The following DIP2C variants were observed in gnomAD, a reference collection of about 807,000 sequenced individuals.
The protein encoded by DIP2C is DIP2 acetate--CoA ligase C (putative).
DIP2C carries 33 observed loss-of-function variants against 192.4 expected under a neutral mutation model. That is an observed-to-expected ratio of 0.17 (90% CI 0.13 to 0.23). DIP2C has a LOEUF of 0.23. Among genes scored for constraint, DIP2C ranks in the 10% least tolerant of loss-of-function variants. The pLI, the probability that DIP2C is intolerant of heterozygous loss-of-function variation, is 1.00. For synonymous variants in DIP2C, 979 were observed against 864.1 expected (o/e 1.13, Z -2.33); for missense variants, 1,537 against 2,110.1 (o/e 0.73, Z 5.32).
chr10:391,081 C>T (rs1351073841), intron 10 of DIP2C, among the ~76,000 whole-genome samples: 4 of 152,148 alleles, frequency 2.6e-5, no homozygotes, highest in Non-Finnish European at 1.5e-5. Context: ...CAGCTGTCTC[C>T]CAGGTTTGTT....
chr10:347,605 G>A (rs563993738), intron 26 of DIP2C, among the ~76,000 whole-genome samples: 4 of 119,146 alleles, frequency 3.4e-5, no homozygotes, highest in East Asian at 2.6e-4. Flanking sequence ...TAGTTCTCCC[G>A]GAAACCCTAC....
intron 25 of DIP2C, 90 bp from the exon 26 acceptor site, chr10:348,852 G>C: frequency 1.3e-6 from 2 of 1,549,238 alleles, no homozygotes; most frequent in Non-Finnish European, 1.7e-6. Context: ...TCTGGGGCAA[G>C]TTCAACAGGG....
intron 2 of DIP2C, among the ~76,000 whole-genome samples, chr10:476,007 TCA>T (rs1423655000): frequency 1.3e-5 from 2 of 152,216 alleles, no homozygotes; most frequent in Non-Finnish European, 2.9e-5. Context: ...GGGCTCACGT[TCA>T]CAGTCACGTT....
intron 1 of DIP2C, among the ~76,000 whole-genome samples, chr10:532,544 TGA>T (rs111941731): frequency 2.6e-5 from 3 of 113,320 alleles, no homozygotes; most frequent in Non-Finnish European, 1.8e-5. Context: ...AGTATGGGTG[TGA>T]GAGAGTATGG....
intron 2 of DIP2C, among the ~76,000 whole-genome samples, chr10:483,455 A>T (rs1458285919): frequency 6.6e-6 from 1 of 152,210 alleles, no homozygotes; most frequent in Non-Finnish European, 1.5e-5. Flanking sequence ...AACGTCTCCA[A>T]ATGAAGGTCG....
chr10:365,556 A>G (rs1354060918), intron 19 of DIP2C, among the ~76,000 whole-genome samples: 1 of 152,232 alleles, frequency 6.6e-6, no homozygotes, highest in East Asian at 1.9e-4. Flanking sequence ...CAAAAGTTCT[A>G]AACATTTAGG....
intron 3 of DIP2C, among the ~76,000 whole-genome samples, chr10:464,069 C>T (rs1970009930): frequency 6.6e-6 from 1 of 152,288 alleles, no homozygotes; most frequent in African/African-American, 2.4e-5. Flanking sequence ...CAAAACCATT[C>T]AGTACATAGA....
At chr10:331,257 C>G (rs1957496078) in intron 29 of DIP2C, among the ~76,000 whole-genome samples, 1 of 152,188 alleles carries the variant, frequency 6.6e-6, no homozygotes, top group African/African-American at 2.4e-5. Flanking sequence ...GAGAATCCAA[C>G]TAAAGAAATG....
chr10:458,993 A>T (rs1206487718), intron 3 of DIP2C, among the ~76,000 whole-genome samples: 2 of 69,062 alleles, frequency 2.9e-5, no homozygotes, highest in Admixed American at 1.9e-4. Flanking sequence ...AACTTTTTCA[A>T]AAAAAAAAAA....
intron 4 of DIP2C, among the ~76,000 whole-genome samples, chr10:435,088 ATTC>A (rs989164306): frequency 9.2e-5 from 14 of 152,200 alleles, no homozygotes; most frequent in African/African-American, 3.4e-4. Context: ...TCTGTTCCTC[ATTC>A]TTCTCCTTGT....
intron 3 of DIP2C, among the ~76,000 whole-genome samples, chr10:464,789 G>A (rs978452137): frequency 6.6e-6 from 1 of 152,110 alleles, no homozygotes; most frequent in African/African-American, 2.4e-5. Context: ...AAATCTAGAA[G>A]AAATGGATAC....
intron 1 of DIP2C, among the ~76,000 whole-genome samples, chr10:496,381 C>CAA (rs1451219844): frequency 2.3e-5 from 3 of 129,096 alleles, no homozygotes; most frequent in African/African-American, 4.0e-5. Flanking sequence ...CTTAATACCC[C>CAA]AAACATGAGT....
rs985524639 is a variant in DIP2C, at chr10:417,048, C to T, written c.740-1160G>A. On this transcript the variant is annotated intron_variant, in intron 6 of 36. Transcript: ENST00000280886. ...TTAAGAATTGAGACATTAAATATTT[C>T]ATATCTCTGAAAATACAGAAAAACA... 2.6e-5 allele frequency among the ~76,000 whole-genome samples: 4 copies of T among 152,314 alleles called. No homozygotes were observed. In the East Asian group the frequency reaches 7.7e-4, roughly 29 times the overall value.
chr10:337,277 TGTGTTC>T (rs1957862866), intron 29 of DIP2C, among the ~76,000 whole-genome samples: 1 of 147,876 alleles, frequency 6.8e-6, no homozygotes, highest in Non-Finnish European at 1.5e-5. Flanking sequence ...GATGTGTGTG[TGTGTTC>T]TGTGGAGGCC....
At chr10:523,451 C>T (rs1413622210) in intron 1 of DIP2C, among the ~76,000 whole-genome samples, 1 of 130,150 alleles carries the variant, frequency 7.7e-6, no homozygotes, top group Non-Finnish European at 1.6e-5. Flanking sequence ...CCCACACACT[C>T]GTTTCTACTG....
intron 29 of DIP2C, among the ~76,000 whole-genome samples, chr10:333,527 C>A (rs1381173185): frequency 6.6e-6 from 1 of 152,224 alleles, no homozygotes; most frequent in Admixed American, 6.5e-5. Flanking sequence ...ACGTGGCAGG[C>A]GTCACCTGTT....
intron 9 of DIP2C, among the ~76,000 whole-genome samples, chr10:407,074 G>A (rs1044388399): frequency 1.3e-5 from 2 of 152,216 alleles, no homozygotes; most frequent in African/African-American, 2.4e-5. Flanking sequence ...TGGGGAGACC[G>A]ATTTGAGAAA....
At chr10:517,004 C>T (rs893392596) in intron 1 of DIP2C, among the ~76,000 whole-genome samples, 1 of 151,638 alleles carries the variant, frequency 6.6e-6, no homozygotes, top group African/African-American at 2.4e-5. Context: ...CCAACTCAGG[C>T]CCATCAGGGG....
chr10:390,856 C>T lies in DIP2C; in HGVS notation c.1268G>A (p.Gly423Glu). ...IEVPLTRKDA[G>E]SQQIGFLLGS... Reference sequence around the variant, plus strand: ...AAGCAAGAAACCTATCTGCTGGCTCCCTGCGTCCTGAGAGGGCAACAGAGA... The same window carrying T: ...AAGCAAGAAACCTATCTGCTGGCTCTCTGCGTCCTGAGAGGGCAACAGAGA... The change falls in exon 11 of 37, where the codon GGG becomes GAG. Residue 423 changes from glycine (G) to glutamate (E), a missense_variant. Coordinates refer to ENST00000280886, the MANE Select transcript of DIP2C (RefSeq NM_014974.3). 6.2e-7 allele frequency: 1 copy of T among 1,614,020 alleles called. No individual in the cohort carries two copies. The highest frequency in any genetic ancestry group is 8.5e-7 in the Non-Finnish European group (1 of 1,179,972).
Sources: gnomAD v4.1 joint callset for allele counts (sites outside exome capture counted in the v4.1 genomes callset) on GRCh38, gnomAD v4.1.1 for gene constraint, MANE v1.5 for transcripts, NCBI Gene and HGNC (gene_info 2026-07-23, HGNC 2026-07-21) for gene names.